The following NLGN1 variants were observed in gnomAD, a reference collection of about 807,000 sequenced individuals.
NLGN1 encodes the protein neuroligin-1.
NLGN1 carries 12 observed loss-of-function variants against 65.5 expected under a neutral mutation model. The observed-to-expected ratio is 0.18, with a 90% CI of 0.12 to 0.30. NLGN1 has a LOEUF of 0.30. NLGN1 is among the 10% of genes least tolerant of loss of function. NLGN1 has a pLI of 1.00. For missense variants in NLGN1, 750 were observed against 1,007.1 expected (o/e 0.74, Z 3.46); for synonymous variants, 350 against 359.5 (o/e 0.97, Z 0.30).
intron 3 of NLGN1, among the ~76,000 whole-genome samples, chr3:173,684,582 A>G (rs2149797018): frequency 6.6e-6 from 1 of 152,310 alleles, no homozygotes; most frequent in East Asian, 1.9e-4. Flanking sequence ...CAAAGAACCC[A>G]ATTTTTAAAA....
At chr3:174,115,639 G>A (rs900361500) in intron 4 of NLGN1, among the ~76,000 whole-genome samples, 1 of 152,164 alleles carries the variant, frequency 6.6e-6, no homozygotes, top group African/African-American at 2.4e-5. Context: ...CTGGGAAGAG[G>A]TGACAAGGGA....
chr3:173,522,346 A>G (rs1254323993), intron 2 of NLGN1, among the ~76,000 whole-genome samples: 1 of 152,224 alleles, frequency 6.6e-6, no homozygotes, highest in Non-Finnish European at 1.5e-5. Context: ...TTGTTTATCC[A>G]GTCCACCACT....
At chr3:173,439,093 A>C (rs1166913907) in intron 2 of NLGN1, among the ~76,000 whole-genome samples, 2 of 152,292 alleles carry the variant, frequency 1.3e-5, no homozygotes, top group South Asian at 2.1e-4. Flanking sequence ...ATTTAAGAAA[A>C]ATTTCTGGAA....
intron 2 of NLGN1, among the ~76,000 whole-genome samples, chr3:173,507,851 T>G (rs1263665137): frequency 2.6e-5 from 4 of 152,168 alleles, no homozygotes; most frequent in African/African-American, 7.2e-5. Context: ...AAGCAACATA[T>G]CTGGGTTTAA....
At chr3:174,072,415 A>G (rs532966165) in intron 4 of NLGN1, among the ~76,000 whole-genome samples, 4 of 152,284 alleles carry the variant, frequency 2.6e-5, no homozygotes, top group African/African-American at 7.2e-5. Flanking sequence ...ATGAGGATGA[A>G]CAGTGTGTGC....
chr3:174,271,454 A>G (rs955417639), intron 4 of NLGN1, among the ~76,000 whole-genome samples: 17 of 151,906 alleles, frequency 1.1e-4, no homozygotes, highest in African/African-American at 2.9e-4. Context: ...TCTGCCTGTC[A>G]GAGAGTTATC....
intron 4 of NLGN1, among the ~76,000 whole-genome samples, chr3:173,888,799 T>A (rs1734816488): frequency 6.6e-6 from 1 of 152,136 alleles, no homozygotes; most frequent in African/African-American, 2.4e-5. Flanking sequence ...TTTAGGAGTA[T>A]TTAAACTCTG....
chr3:173,643,431 A>C (rs1167459906), intron 3 of NLGN1, among the ~76,000 whole-genome samples: 1 of 152,230 alleles, frequency 6.6e-6, no homozygotes, highest in Non-Finnish European at 1.5e-5. Flanking sequence ...ATCATCTGAG[A>C]AGGAAAATAC....
chr3:173,765,868 A>G (rs910244509), intron 3 of NLGN1, among the ~76,000 whole-genome samples: 2 of 152,082 alleles, frequency 1.3e-5, no homozygotes, highest in African/African-American at 2.4e-5. Flanking sequence ...ATGATATTTC[A>G]TCATCTCTTT....
chr3:173,734,903 T>G (rs531443925), intron 3 of NLGN1, among the ~76,000 whole-genome samples: 11 of 152,206 alleles, frequency 7.2e-5, no homozygotes, highest in African/African-American at 1.2e-4. Context: ...ATAAAGAGCA[T>G]GGAATAATGG....
At chr3:174,056,533 C>G (rs963413144) in intron 4 of NLGN1, among the ~76,000 whole-genome samples, 3 of 152,122 alleles carry the variant, frequency 2.0e-5, no homozygotes, top group African/African-American at 7.2e-5. Context: ...GAATCTCTCA[C>G]TGGAGCAGGT....
At chr3:174,179,888 T>C (rs927343479) in intron 4 of NLGN1, among the ~76,000 whole-genome samples, 12 of 152,166 alleles carry the variant, frequency 7.9e-5, no homozygotes, top group African/African-American at 2.7e-4. Context: ...GACCTGTTCC[T>C]ATAGATCTCA....
intron 3 of NLGN1, among the ~76,000 whole-genome samples, chr3:173,690,567 T>C (rs1476150394): frequency 6.6e-6 from 1 of 152,162 alleles, no homozygotes; most frequent in East Asian, 1.9e-4. Flanking sequence ...CTCACAGTTA[T>C]CAGTAAATAT....
At chr3:173,612,405 T>C (rs1254962992) in intron 3 of NLGN1, among the ~76,000 whole-genome samples, 1 of 152,094 alleles carries the variant, frequency 6.6e-6, no homozygotes, top group African/African-American at 2.4e-5. Context: ...GTCAAGAAGT[T>C]TAAAATCAAG....
At chr3:173,705,924 A>T (rs1393614652) in intron 3 of NLGN1, among the ~76,000 whole-genome samples, 1 of 152,160 alleles carries the variant, frequency 6.6e-6, no homozygotes, top group Non-Finnish European at 1.5e-5. Flanking sequence ...ACCAGGAAAA[A>T]ATTCTAAATA....
intron 3 of NLGN1, among the ~76,000 whole-genome samples, chr3:173,794,264 T>C (rs1713478475): frequency 6.6e-6 from 1 of 152,114 alleles, no homozygotes; most frequent in South Asian, 2.1e-4. Context: ...AATTTATAAG[T>C]GTATGTGTAT....
At chr3:173,845,209 AAT>A (rs1725493153) in intron 4 of NLGN1, among the ~76,000 whole-genome samples, 2 of 152,234 alleles carry the variant, frequency 1.3e-5, no homozygotes, top group Non-Finnish European at 2.9e-5. Flanking sequence ...TAGTGGAACA[AAT>A]ATGTTTTTGA....
intron 2 of NLGN1, among the ~76,000 whole-genome samples, chr3:173,500,620 A>AG (rs1730923017): frequency 6.6e-6 from 1 of 152,174 alleles, no homozygotes; most frequent in Non-Finnish European, 1.5e-5. Context: ...TAGTTTCAGA[A>AG]GGAATGGTAC....
At chr3:174,264,564 T>C (rs978199596) in intron 4 of NLGN1, among the ~76,000 whole-genome samples, 3 of 149,012 alleles carry the variant, frequency 2.0e-5, no homozygotes, top group Non-Finnish European at 4.5e-5. Context: ...CTGTATTGGT[T>C]ATTCTAGTTA....
Sources: gnomAD v4.1 joint callset for allele counts (sites outside exome capture counted in the v4.1 genomes callset) on GRCh38, gnomAD v4.1.1 for gene constraint, MANE v1.5 for transcripts, NCBI Gene and HGNC (gene_info 2026-07-23, HGNC 2026-07-21) for gene names.